Variants in INVS observed in about 807,000 individuals in gnomAD.
INVS encodes the protein inversion of embryo turning homolog.
In INVS, 86 loss-of-function variants were observed where a neutral mutation model predicts 108.8. The observed-to-expected ratio is 0.79, with a 90% CI of 0.66 to 0.95. The LOEUF (loss-of-function observed/expected upper bound fraction) is 0.95, where lower values mean the gene tolerates loss of function less well. INVS is among the 40% of genes least tolerant of loss of function. INVS has a pLI of 0.00. For missense variants in INVS, 1,169 were observed against 1,297.4 expected (o/e 0.90, Z 1.52); for synonymous variants, 455 against 473.5 (o/e 0.96, Z 0.51).
chr9:100,118,929 C>T (rs936418186), intron 2 of INVS, among the ~76,000 whole-genome samples: 2 of 151,826 alleles, frequency 1.3e-5, no homozygotes, highest in Admixed American at 6.6e-5. Context: ...CCAAAGTGCT[C>T]GGATTACAGG....
intron 3 of INVS, among the ~76,000 whole-genome samples, chr9:100,224,742 A>G (rs1477324771): frequency 6.6e-6 from 1 of 151,792 alleles, no homozygotes; most frequent in Admixed American, 6.6e-5. Flanking sequence ...CAGCCTCCCG[A>G]GTAACTGGGA....
intron 2 of INVS, among the ~76,000 whole-genome samples, chr9:100,109,221 A>AT (rs1827266917): frequency 6.6e-6 from 1 of 152,214 alleles, no homozygotes; most frequent in Admixed American, 6.5e-5. Flanking sequence ...AAGCCATTTA[A>AT]TTTTTAAGCC....
In INVS at chr9:100,272,963, C is replaced by T. The variant is rs770524429; in HGVS notation, c.1671C>T (p.Ile557=). The T allele has an allele frequency of 2.7e-5, 44 of 1,613,944 alleles. No individual in the cohort carries two copies. The highest frequency in any genetic ancestry group is 3.5e-5 in the Non-Finnish European group (41 of 1,180,010). Residue 557 remains isoleucine (I), a synonymous_variant, in exon 12 of 17, where the codon ATC becomes ATT. Transcript: ENST00000262457. The part of the protein sequence containing the change: ...GALSIAAIQD[I]AAFKIQAVYK... Reference sequence around the variant, plus strand: ...TGTCCATCGCAGCCATACAAGACATCGCCGCCTTCAAAATCCAAGCTGTCT... The same window carrying T: ...TGTCCATCGCAGCCATACAAGACATTGCCGCCTTCAAAATCCAAGCTGTCT...
intron 3 of INVS, among the ~76,000 whole-genome samples, chr9:100,194,214 C>A (rs73656956): frequency 4.6e-5 from 7 of 152,318 alleles, no homozygotes; most frequent in African/African-American, 1.2e-4. Flanking sequence ...TTCCTCCATA[C>A]CCTCACTTTC....
At chr9:100,266,944 ACCAACC>A (rs1318799796) in intron 11 of INVS, among the ~76,000 whole-genome samples, 2 of 149,496 alleles carry the variant, frequency 1.3e-5, no homozygotes, top group African/African-American at 4.9e-5. Context: ...GTTTTCTAGA[ACCAACC>A]CCTTTACCAC....
chr9:100,157,786 T>C (rs996976708), intron 3 of INVS, among the ~76,000 whole-genome samples: 1 of 152,230 alleles, frequency 6.6e-6, no homozygotes, highest in African/African-American at 2.4e-5. Flanking sequence ...TTTTATTTTC[T>C]TTGAAATTTA....
chr9:100,272,341 T>C (rs1227109741), intron 11 of INVS, among the ~76,000 whole-genome samples: 2 of 152,204 alleles, frequency 1.3e-5, no homozygotes, highest in Admixed American at 6.5e-5. Context: ...CTCTTTTTTT[T>C]CCCCAGATGG....
chr9:100,103,511 C>T (rs954535308), intron 1 of INVS, among the ~76,000 whole-genome samples: 1 of 151,818 alleles, frequency 6.6e-6, no homozygotes, highest in Non-Finnish European at 1.5e-5. Flanking sequence ...GCCTATAATC[C>T]CAGCTACTGA....
At chr9:100,213,678 A>C (rs891346839) in intron 3 of INVS, among the ~76,000 whole-genome samples, 8 of 152,162 alleles carry the variant, frequency 5.3e-5, no homozygotes, top group African/African-American at 1.9e-4. Flanking sequence ...ACACAGCAAA[A>C]AGAATGAGCA....
At chr9:100,155,300 CAG>C (rs527328868) in intron 3 of INVS, among the ~76,000 whole-genome samples, 185 of 151,602 alleles carry the variant, frequency 1.2e-3, no homozygotes, top group Middle Eastern at 6.9e-3. Context: ...AGCTTAACTG[CAG>C]AGAGAATTAT....
Position 100,292,639 on chromosome 9 carries a change from C to A in INVS, c.2382C>A (p.Arg794=), listed in dbSNP as rs1399640195. ...CCAAATGTGCCCCCCAGAAAAGGCG[C>A]ACTCAAGAGCTCAGAGGAGGAAGGT... ...PKAKCAPQKR[R]TQELRGGRCS... Residue 794 remains arginine, a synonymous_variant, in exon 14 of 17, where the codon CGC becomes CGA. Transcript: ENST00000262457. The A allele has an allele frequency of 6.2e-7, 1 of 1,614,188 alleles. No individual in the cohort carries two copies. The highest frequency in any genetic ancestry group is 1.7e-5 in the Admixed American group (1 of 60,030).
At chr9:100,177,456 T>C (rs1407402550) in intron 3 of INVS, among the ~76,000 whole-genome samples, 1 of 152,144 alleles carries the variant, frequency 6.6e-6, no homozygotes, top group African/African-American at 2.4e-5. Flanking sequence ...GCGTCCCCCA[T>C]TACTGAGGCT....
chr9:100,281,007 AGAGT>A (rs1337722142), intron 12 of INVS, among the ~76,000 whole-genome samples: 16 of 152,240 alleles, frequency 1.1e-4, no homozygotes, highest in Admixed American at 1.0e-3. Context: ...CCTAGGTGAC[AGAGT>A]GAGACCCTGT....
At chr9:100,297,658 C>A (rs1833828652) in intron 15 of INVS, among the ~76,000 whole-genome samples, 1 of 152,198 alleles carries the variant, frequency 6.6e-6, no homozygotes, top group African/African-American at 2.4e-5. Flanking sequence ...AAGAGCCCAT[C>A]CAAATAGACC....
intron 13 of INVS, among the ~76,000 whole-genome samples, 173 bp downstream of exon 13, chr9:100,284,776 T>G (rs1478009226): frequency 3.9e-5 from 6 of 152,200 alleles, no homozygotes. Flanking sequence ...TTCTTTTTTT[T>G]CCCTTCCTGT....
At chr9:100,164,768 TTTTG>T (rs1272293221) in intron 3 of INVS, among the ~76,000 whole-genome samples, 2 of 152,144 alleles carry the variant, frequency 1.3e-5, no homozygotes, top group Admixed American at 6.5e-5. Flanking sequence ...TCATAAATGT[TTTTG>T]TTTATTTACA....
At chr9:100,146,263 T>C (rs1246962157) in intron 3 of INVS, among the ~76,000 whole-genome samples, 1 of 150,380 alleles carries the variant, frequency 6.6e-6, no homozygotes, top group Non-Finnish European at 1.5e-5. Flanking sequence ...TTTGGGTAGG[T>C]AAAGGAAAAT....
chr9:100,155,483 C>T (rs1222685256), intron 3 of INVS, among the ~76,000 whole-genome samples: 2 of 152,006 alleles, frequency 1.3e-5, no homozygotes, highest in Admixed American at 6.6e-5. Flanking sequence ...ATTACAGGCA[C>T]GCACCACCAT....
intron 11 of INVS, among the ~76,000 whole-genome samples, chr9:100,271,081 A>G (rs1230777854): frequency 2.0e-5 from 3 of 152,186 alleles, no homozygotes; most frequent in Non-Finnish European, 4.4e-5. Flanking sequence ...CAAAATTTAA[A>G]AGGATGTTCA....
Sources: allele counts gnomAD v4.1 joint callset (sites outside exome capture counted in the v4.1 genomes callset), GRCh38; gene constraint gnomAD v4.1.1; transcripts MANE v1.5; gene names NCBI Gene and HGNC (gene_info 2026-07-23, HGNC 2026-07-21).